NUDT2: variants seen among roughly 807,000 people sequenced by gnomAD.
NUDT2 encodes nudix hydrolase 2, also known as bis(5'-nucleosyl)-tetraphosphatase [asymmetrical].
A neutral mutation model predicts 14.2 loss-of-function variants in NUDT2; 12 were observed. The observed-to-expected ratio is 0.84, with a 90% confidence interval of 0.54 to 1.37. The LOEUF (loss-of-function observed/expected upper bound fraction) is 1.37. Among genes scored for constraint, NUDT2 ranks in the 40% most tolerant of loss-of-function variants. The pLI, the probability that NUDT2 is intolerant of heterozygous loss-of-function variation, is 0.00. For missense variants in NUDT2, 167 were observed against 176.7 expected (o/e 0.95, Z 0.31); for synonymous variants, 67 against 67.4 (o/e 0.99, Z 0.03).
intron 4 of NUDT2, 101 bp downstream of exon 4, chr9:34,339,267 GC>G: frequency 7.0e-7 from 1 of 1,425,900 alleles, no homozygotes. Context: ...TGACTGTGTA[GC>G]AAAAAGGGGT....
Position 34,343,434 on chromosome 9 carries a change from G to C in NUDT2, c.438G>C (p.Glu146Asp). The change falls in exon 5 of 5, where the codon GAG becomes GAC. Residue 146 changes from glutamate to aspartate, a missense_variant. By Grantham distance (45) the Glu-to-Asp change is conservative (BLOSUM62 2). Coordinates refer to ENST00000379158, the MANE Select transcript of NUDT2 (RefSeq NM_001161.5). Reference sequence around the variant, plus strand: ...GACACCAGTTTCTTTGCTCCATAGAGGCCTGAGCTGACTGGAGCAGAGTCA... The same window carrying C: ...GACACCAGTTTCTTTGCTCCATAGACGCCTGAGCTGACTGGAGCAGAGTCA... ...QEGHQFLCSI[E>D]A 6.3e-7 allele frequency: 1 copy of C among 1,584,442 alleles called. No individual in the cohort carries two copies.
At chr9:34,339,814 G>A (rs1050513140) in intron 4 of NUDT2, among the ~76,000 whole-genome samples, 5 of 152,284 alleles carry the variant, frequency 3.3e-5, no homozygotes, top group Admixed American at 1.3e-4. Flanking sequence ...CAGCACTCCA[G>A]CCTGGACAAC....
At chr9:34,339,310 A>C in intron 4 of NUDT2, 144 bp downstream of exon 4, 2 of 940,054 alleles carry the variant, frequency 2.1e-6, no homozygotes, top group South Asian at 1.8e-5. Context: ...CCCTTTCTAC[A>C]TACAAGGTCT....
At chr9:34,338,973 G>A (rs1838167566) in intron 3 of NUDT2, 51 bp from the exon 4 acceptor site, 2 of 1,516,244 alleles carry the variant, frequency 1.3e-6, no homozygotes, top group Admixed American at 1.7e-5. Context: ...CCCCAGTATG[G>A]AGCTTCCTAT....
rs76223630 is a variant in NUDT2 at position 34,338,920 on chromosome 9, C to T, written c.-17+73C>T. Reference sequence around the variant, plus strand: ...CCTTTTTCTGTGGGCTATGAGATCACAGTTAGCTAGTCTGCATTACTGTCC... The same window carrying T: ...CCTTTTTCTGTGGGCTATGAGATCATAGTTAGCTAGTCTGCATTACTGTCC... On this transcript the variant is annotated intron_variant, in intron 3 of 4. Transcript: ENST00000379158. The T allele has an allele frequency of 1.4e-3, 1,305 of 950,634 alleles. 12 individuals carry two copies. The African/African-American group carries it at 0.019, about 14-fold the overall frequency. 58.9% of individuals were successfully genotyped at this position (950,634 alleles called of 1,614,324 possible).
Position 34,343,234 on chromosome 9 carries a change from C to T in NUDT2, c.238C>T (p.Leu80Phe). The T allele has an allele frequency of 6.2e-7, 1 of 1,613,938 alleles. No homozygotes were observed. Residue 80 changes from leucine to phenylalanine, a missense_variant, in exon 5 of 5, where the codon CTC becomes TTC. By Grantham distance (22) the Leu-to-Phe change is conservative. Coordinates refer to ENST00000379158, the MANE Select transcript of NUDT2 (RefSeq NM_001161.5). ...CATTATTGAGGGGTTCAAAAGGGAA[C>T]TCAATTATGTGGCCAGGAACAAGCC... ...LTIIEGFKRE[L>F]NYVARNKPKT...
intron 4 of NUDT2, 37 bp downstream of exon 4, chr9:34,339,203 A>G (rs1838174510): frequency 6.2e-7 from 1 of 1,601,212 alleles, no homozygotes; most frequent in Non-Finnish European, 8.5e-7. Flanking sequence ...GGAAACTGCC[A>G]ACCACTGCTC....
At chr9:34,331,168 C>T (rs1470588048) in intron 1 of NUDT2, among the ~76,000 whole-genome samples, 19 of 152,106 alleles carry the variant, frequency 1.2e-4, no homozygotes, top group Admixed American at 1.2e-3. Flanking sequence ...GGAATTTATG[C>T]TGTGGGACCT....
At chr9:34,342,298 G>A (rs1820210249) in intron 4 of NUDT2, among the ~76,000 whole-genome samples, 1 of 152,166 alleles carries the variant, frequency 6.6e-6, no homozygotes, top group Non-Finnish European at 1.5e-5. Context: ...AGCCGTGCAG[G>A]GTTTTGAGCC....
At chr9:34,335,925 G>C (rs1199099691) in intron 1 of NUDT2, among the ~76,000 whole-genome samples, 1 of 152,070 alleles carries the variant, frequency 6.6e-6, no homozygotes, top group Non-Finnish European at 1.5e-5. Flanking sequence ...TCCCCATGCA[G>C]GCATCTTTGC....
intron 4 of NUDT2, among the ~76,000 whole-genome samples, chr9:34,341,827 G>T (rs1478458119): frequency 6.6e-6 from 1 of 152,058 alleles, no homozygotes; most frequent in Non-Finnish European, 1.5e-5. Context: ...AGTTTTTTGT[G>T]CAGCAGCTGG....
At chr9:34,343,068 C>A in intron 4 of NUDT2, 56 bp from the exon 5 acceptor site, 1 of 1,487,818 alleles carries the variant, frequency 6.7e-7, no homozygotes, top group Non-Finnish European at 9.1e-7. Context: ...GAAAATCCAG[C>A]TTTGGGAACT....
chr9:34,343,220 G>T lies in NUDT2; in HGVS notation c.224G>T (p.Gly75Val). 6.2e-7 allele frequency: 1 copy of T among 1,613,940 alleles called. No homozygotes were observed. Among genetic ancestry groups the T allele is most frequent in the Non-Finnish European group, 8.5e-7 (1 of 1,180,004 alleles). The change falls in exon 5 of 5, where the codon GGG becomes GTG. Residue 75 changes from glycine to valine, a missense_variant. Physicochemically the swap from Gly to Val is moderately radical, Grantham distance 109 (BLOSUM62 -3). Coordinates refer to ENST00000379158, the MANE Select transcript of NUDT2 (RefSeq NM_001161.5). ...IEAGQLTIIE[G>V]FKRELNYVAR... is the part of the protein sequence containing the mutation. ...GCAGGCCAGCTGACCATTATTGAGG[G>T]GTTCAAAAGGGAACTCAATTATGTG...
chr9:34,343,344 G>C lies in NUDT2; in HGVS notation c.348G>C (p.Trp116Cys), dbSNP rs776419067. 3 of 1,613,836 alleles carry C rather than the reference G, an allele frequency of 1.9e-6. No individual in the cohort carries two copies. In the African/African-American group the frequency reaches 4.0e-5, roughly 22 times the overall value. The change falls in exon 5 of 5, where the codon TGG (tryptophan) becomes TGC (cysteine). Residue 116 changes from tryptophan (W) to cysteine (C), a missense_variant. Trp to Cys is a radical substitution (Grantham distance 215). Transcript: ENST00000379158. ...CCCATGAGCACCAAGCCTACCGCTG[G>C]CTGGGGCTGGAGGAGGCCTGCCAGT... is the stretch of plus-strand genomic sequence containing the variant. ...RLSHEHQAYR[W>C]LGLEEACQLA...
chr9:34,343,180 GA>G lies in NUDT2; in HGVS notation c.186del (p.Ala63GlnfsTer3), dbSNP rs529087882. On this transcript the variant is annotated frameshift_variant, in exon 5 of 5. Transcript: ENST00000379158. LOFTEE classifies it high-confidence loss of function. ...LETALRETQE[E>X]AGIEAGQLTI... ...AACAGCCCTGAGGGAGACCCAAGAG[GA>G]AGCAGGCATAGAAGCAGGCCAGCTG... 2.8e-4 allele frequency: 448 copies of G among 1,614,014 alleles called. No homozygotes were observed. The highest frequency in any genetic ancestry group is 3.6e-4 in the Non-Finnish European group (426 of 1,180,032).
intron 2 of NUDT2, among the ~76,000 whole-genome samples, chr9:34,338,337 A>AAAAT (rs2131858812): frequency 9.6e-6 from 1 of 104,126 alleles, no homozygotes. Context: ...TAAAAAAAAA[A>AAAAT]AAAAAAAAAA....
In NUDT2 at chr9:34,339,149, A is replaced by G. The variant is rs1838173346; in HGVS notation, c.110A>G (p.His37Arg). Residue 37 changes from histidine (H) to arginine (R), a missense_variant, in exon 4 of 5, where the codon CAC becomes CGC. By Grantham distance (29) the His-to-Arg change is conservative. Coordinates refer to ENST00000379158, the MANE Select transcript of NUDT2 (RefSeq NM_001161.5). Reference sequence around the variant, plus strand: ...CTGCAGGCATCAGATGGCATTCATCACTGGACTCCTCCCAAAGGTAGAGGC... The same window carrying G: ...CTGCAGGCATCAGATGGCATTCATCGCTGGACTCCTCCCAAAGGTAGAGGC... ...LLLQASDGIH[H>R]WTPPKGHVEP... is the part of the protein sequence containing the mutation. 8 of 1,613,674 alleles carry G rather than the reference A, an allele frequency of 5.0e-6. No homozygotes were observed. The East Asian group carries it at 1.6e-4, about 31-fold the overall frequency.
Position 34,339,053 on chromosome 9 carries a change from C to A in NUDT2, c.14C>A (p.Ala5Glu). 1 of 1,613,810 alleles carries A rather than the reference C, an allele frequency of 6.2e-7. No individual in the cohort carries two copies. The highest frequency in any genetic ancestry group is 8.5e-7 in the Non-Finnish European group (1 of 1,179,710). The change falls in exon 4 of 5, where the codon GCA (alanine) becomes GAA (glutamate). Residue 5 changes from alanine to glutamate, a missense_variant. Ala to Glu is a moderately radical substitution (Grantham distance 107). Coordinates refer to ENST00000379158, the MANE Select transcript of NUDT2 (RefSeq NM_001161.5). MALR[A>E]CGLIIFRRCL... ...TAGGATAAGACCATGGCCTTGAGAGCATGTGGCTTGATCATCTTCCGAAGA... is the reference window on the plus strand; with the variant it reads ...TAGGATAAGACCATGGCCTTGAGAGAATGTGGCTTGATCATCTTCCGAAGA...
Position 34,339,029 on chromosome 9 carries a change from A to C in NUDT2, c.-11A>C. 4.4e-6 allele frequency: 7 copies of C among 1,608,076 alleles called. No homozygotes were observed. The highest frequency in any genetic ancestry group is 6.0e-6 in the Non-Finnish European group (7 of 1,175,266). On this transcript the variant is annotated 5_prime_UTR_variant, in exon 4 of 5. Coordinates refer to ENST00000379158, the MANE Select transcript of NUDT2 (RefSeq NM_001161.5). ...TCTGTATCTTCTTTGTTAAGTCCTT[A>C]GGATAAGACCATGGCCTTGAGAGCA...
Sources: allele counts gnomAD v4.1 joint callset (sites outside exome capture counted in the v4.1 genomes callset), GRCh38; gene constraint gnomAD v4.1.1; transcripts MANE v1.5; gene names NCBI Gene and HGNC (gene_info 2026-07-23, HGNC 2026-07-21).